Variants in C2orf92 observed in about 807,000 individuals in gnomAD.
C2orf92 encodes the protein uncharacterized protein C2orf92.
At chr2:97,685,269 CTTTT>C (rs200476324) in intron 3 of C2orf92, among the ~76,000 whole-genome samples, 3 of 129,854 alleles carry the variant, frequency 2.3e-5, no homozygotes, top group Non-Finnish European at 5.0e-5. Context: ...TTCTTTCTTT[CTTTT>C]TTTTTTTTTT....
chr2:97,702,630 G>A (rs1274820650), intron 7 of C2orf92, 39 bp from the exon 8 acceptor site: 1 of 398,896 alleles, frequency 2.5e-6, no homozygotes, highest in Admixed American at 4.4e-5. Context: ...ACTCCTGTGC[G>A]CTGAGCTGAG....
intron 5 of C2orf92, among the ~76,000 whole-genome samples, chr2:97,692,094 A>G (rs1676159451): frequency 6.6e-6 from 1 of 152,180 alleles, no homozygotes; most frequent in Non-Finnish European, 1.5e-5. Context: ...AATTTATACT[A>G]CAATATTCAC....
chr2:97,682,870 T>C (rs1486537211), intron 3 of C2orf92, among the ~76,000 whole-genome samples: 1 of 152,078 alleles, frequency 6.6e-6, no homozygotes, highest in African/African-American at 2.4e-5. Context: ...TCGTGCTCAA[T>C]GTTGAAAGAC....
At chr2:97,665,552 T>G (rs1469465994), upstream of C2orf92, among the ~76,000 whole-genome samples, 1 of 151,970 alleles carries the variant, frequency 6.6e-6, no homozygotes, top group African/African-American at 2.4e-5. Flanking sequence ...TATTAAACTC[T>G]TCTTATAGAG....
chr2:97,695,474 C>T (rs1345927619), intron 5 of C2orf92, among the ~76,000 whole-genome samples: 2 of 152,174 alleles, frequency 1.3e-5, no homozygotes, highest in Non-Finnish European at 2.9e-5. Flanking sequence ...ATGTATATTA[C>T]AGTGCCAAGA....
intron 1 of C2orf92, 139 bp downstream of exon 1, chr2:97,669,973 A>G: frequency 2.5e-6 from 1 of 396,606 alleles, no homozygotes; most frequent in Non-Finnish European, 4.4e-6. Flanking sequence ...CAAATCTGCC[A>G]TTCAGGGTTT....
intron 7 of C2orf92, 36 bp downstream of exon 7, chr2:97,701,340 C>T (rs1349287300): frequency 2.5e-6 from 1 of 398,370 alleles, no homozygotes; most frequent in African/African-American, 2.1e-5. Context: ...TTCCAAGAAC[C>T]CGCGGGTGTT....
At chr2:97,683,076 CCACACACACACA>C (rs760650490) in intron 3 of C2orf92, among the ~76,000 whole-genome samples, 3 of 143,166 alleles carry the variant, frequency 2.1e-5, no homozygotes, top group Non-Finnish European at 3.0e-5. Context: ...CATATAGACT[CCACACACACACA>C]CACACACACA....
At chr2:97,667,901 A>G (rs1675288703), upstream of C2orf92, 1 of 152,046 alleles carries the variant, frequency 6.6e-6, no homozygotes, top group Admixed American at 6.6e-5. Context: ...TTGGTGAGAG[A>G]GTCTCACCAA....
rs147097096 is a variant in C2orf92, at chr2:97,679,121, AAG to A, written c.232+3198_232+3199del. 5.9e-3 allele frequency among the ~76,000 whole-genome samples: 895 copies of A among 152,328 alleles called. 36 individuals carry two copies. The East Asian group carries it at 0.093, about 16-fold the overall frequency. ...GAGACCCGCCTTATGAGAAATGGCA[AAG>A]AGAGCCCTTCAGGCTGAGATGAAGG... On this transcript the variant is annotated intron_variant, in intron 3 of 7. Transcript: ENST00000627399.
chr2:97,699,582 G>A (rs1478921011), intron 6 of C2orf92, among the ~76,000 whole-genome samples: 2 of 152,094 alleles, frequency 1.3e-5, no homozygotes, highest in East Asian at 3.9e-4. Context: ...TCCAGCCTGG[G>A]CAACAAGAGC....
chr2:97,684,597 A>G (rs1675891243), intron 3 of C2orf92, among the ~76,000 whole-genome samples: 1 of 152,246 alleles, frequency 6.6e-6, no homozygotes, highest in Non-Finnish European at 1.5e-5. Flanking sequence ...CACCAAAAGC[A>G]GGCAAAAAGA....
chr2:97,664,616 C>A (rs1206279227), intron 1 of C2orf92: 1 of 151,722 alleles, frequency 6.6e-6, no homozygotes, highest in African/African-American at 2.4e-5. Flanking sequence ...TTAAAAATTG[C>A]CGATGTCGAC....
chr2:97,700,875 G>A (rs1041944675), intron 6 of C2orf92, among the ~76,000 whole-genome samples: 2 of 152,008 alleles, frequency 1.3e-5, no homozygotes, highest in Non-Finnish European at 2.9e-5. Flanking sequence ...GACTACAGGC[G>A]CCCGCCACCA....
intron 3 of C2orf92, among the ~76,000 whole-genome samples, chr2:97,686,887 G>A (rs1051342368): frequency 1.4e-4 from 22 of 152,110 alleles, no homozygotes; most frequent in Admixed American, 4.6e-4. Context: ...GTGTGGTGGC[G>A]TGAACCTGTA....
At chr2:97,692,793 C>T (rs1014012209) in intron 5 of C2orf92, among the ~76,000 whole-genome samples, 30 of 152,216 alleles carry the variant, frequency 2.0e-4, no homozygotes, top group Admixed American at 1.5e-3. Context: ...CTAGGATAAT[C>T]TTGAATGGTT....
intron 1 of C2orf92, chr2:97,671,407 C>T (rs1393713975): frequency 1.5e-5 from 6 of 398,096 alleles, no homozygotes; most frequent in Non-Finnish European, 2.2e-5. Flanking sequence ...TCAGCCTCCC[C>T]GAGTGCTGGG....
chr2:97,667,401 C>T (rs949054774), upstream of C2orf92, among the ~76,000 whole-genome samples: 8 of 147,792 alleles, frequency 5.4e-5, no homozygotes, highest in Non-Finnish European at 1.2e-4. Context: ...TAGCTGGGAT[C>T]ACAGGTTCCC....
At chr2:97,670,270 T>C (rs1559295466) in intron 1 of C2orf92, 1 of 152,464 alleles carries the variant, frequency 6.6e-6, no homozygotes, top group African/African-American at 2.4e-5. Context: ...GGCAGGAGGA[T>C]TCCTTGAGCT....
Sources: gnomAD v4.1 joint callset for allele counts (sites outside exome capture counted in the v4.1 genomes callset) on GRCh38, gnomAD v4.1.1 for gene constraint, MANE v1.5 for transcripts, NCBI Gene and HGNC (gene_info 2026-07-23, HGNC 2026-07-21) for gene names.